SUZ12: variants seen among roughly 807,000 people sequenced by gnomAD.
SUZ12 encodes polycomb protein SUZ12.
A neutral mutation model predicts 87.3 loss-of-function variants in SUZ12; 17 were observed. That is an observed-to-expected ratio of 0.19 (90% CI 0.13 to 0.29). The LOEUF is 0.29. Among genes scored for constraint, SUZ12 ranks in the 10% least tolerant of loss-of-function variants. The pLI is 1.00. For missense variants in SUZ12, 526 were observed against 912.2 expected (o/e 0.58, Z 5.45); for synonymous variants, 253 against 312.4 (o/e 0.81, Z 2.01).
Position 31,995,573 on chromosome 17 carries a change from A to T in SUZ12, c.1605A>T (p.Arg535=). Residue 535 remains arginine, a synonymous_variant, in exon 14 of 16, where the codon CGA becomes CGT. Transcript: ENST00000322652. ...TATTTCTTTTCATTAGGCCAAAACG[A>T]ACAAAAGCAAGCATGTCTGAATTTC... ...ITHILVCRPK[R]TKASMSEFLE... 6.2e-7 allele frequency: 1 copy of T among 1,614,084 alleles called. No homozygotes were observed. The highest frequency in any genetic ancestry group is 8.5e-7 in the Non-Finnish European group (1 of 1,179,996).
chr17:31,990,346 G>A (rs759495574), intron 10 of SUZ12, among the ~76,000 whole-genome samples: 10 of 151,020 alleles, frequency 6.6e-5, no homozygotes, highest in South Asian at 4.2e-4. Context: ...TCCTGACGTC[G>A]TGCTCTGCTC....
intron 8 of SUZ12, among the ~76,000 whole-genome samples, chr17:31,978,191 A>C (rs1567829757): frequency 6.6e-6 from 1 of 151,814 alleles, no homozygotes; most frequent in African/African-American, 2.4e-5. Context: ...CATTCCTCCT[A>C]TTGTTTATTT....
chr17:31,991,095 TGA>T (rs892104194), intron 10 of SUZ12, among the ~76,000 whole-genome samples: 14 of 152,328 alleles, frequency 9.2e-5, no homozygotes, highest in African/African-American at 3.1e-4. Context: ...GTCCTTGACC[TGA>T]GAGAGCACTC....
At chr17:31,974,355 G>A (rs1355979203) in intron 6 of SUZ12, among the ~76,000 whole-genome samples, 1 of 152,152 alleles carries the variant, frequency 6.6e-6, no homozygotes, top group African/African-American at 2.4e-5. Context: ...GTGAAATCTC[G>A]TCTCTGCTAA....
In SUZ12 at chr17:31,999,145, G is replaced by A; in HGVS notation, c.*142G>A. 1.5e-6 allele frequency: 1 copy of A among 650,950 alleles called. No individual in the cohort carries two copies. Among genetic ancestry groups the A allele is most frequent in the African/African-American group, 1.8e-5 (1 of 54,190 alleles). The allele number at this position is 650,950 out of a possible 1,614,324, so 40.3% of individuals were successfully genotyped here. A position where few individuals can be genotyped will look rare whatever the true frequency, so the allele number is the denominator to read the frequency against. ...GTAAATGATTTCAACAAGGATATTTGTATCAGGGTTCTACTTCACTTCATT... is the reference window on the plus strand; with the variant it reads ...GTAAATGATTTCAACAAGGATATTTATATCAGGGTTCTACTTCACTTCATT... On this transcript the variant is annotated 3_prime_UTR_variant, in exon 16 of 16. Transcript: ENST00000322652.
intron 4 of SUZ12, among the ~76,000 whole-genome samples, chr17:31,960,829 C>T (rs1907666219): frequency 6.6e-6 from 1 of 152,146 alleles, no homozygotes; most frequent in Non-Finnish European, 1.5e-5. Context: ...TTCCCCCTGC[C>T]TCCTTCCCAA....
At chr17:31,952,695 T>TG (rs1398902199) in intron 4 of SUZ12, among the ~76,000 whole-genome samples, 2 of 152,122 alleles carry the variant, frequency 1.3e-5, no homozygotes, top group Non-Finnish European at 2.9e-5. Flanking sequence ...CCTGAGTAGC[T>TG]GGGATTACAG....
chr17:31,961,475 G>A (rs868466684), intron 4 of SUZ12, among the ~76,000 whole-genome samples: 1 of 152,162 alleles, frequency 6.6e-6, no homozygotes, highest in African/African-American at 2.4e-5. Context: ...GAACCCAGGT[G>A]GGAGGTTGTG....
intron 3 of SUZ12, among the ~76,000 whole-genome samples, chr17:31,941,233 T>C (rs1906260866): frequency 6.7e-6 from 1 of 150,266 alleles, no homozygotes; most frequent in South Asian, 2.1e-4. Context: ...TCCTTATTTT[T>C]TTTTTTATTG....
rs147924683 is a variant in SUZ12, at chr17:31,988,846, G to A, written c.1201+349G>A. ...CAGCATTTGGGAGACCGAGGCGGGC[G>A]GATCACAAGGTCAGGAGATGGAGAT... On this transcript the variant is annotated intron_variant, in intron 10 of 15. Coordinates refer to ENST00000322652, the MANE Select transcript of SUZ12 (RefSeq NM_015355.4). 4.2e-3 allele frequency among the ~76,000 whole-genome samples: 637 copies of A among 151,750 alleles called. 4 individuals are homozygous for A. The highest frequency in any genetic ancestry group is 0.013 in the African/African-American group (532 of 41,436).
chr17:31,988,482 C>G lies in SUZ12; in HGVS notation c.1186C>G (p.Pro396Ala), dbSNP rs1458680897. 2 of 1,599,948 alleles carry G rather than the reference C, an allele frequency of 1.3e-6. No individual in the cohort carries two copies. Among genetic ancestry groups the G allele is most frequent in the South Asian group, 2.3e-5 (2 of 88,028 alleles). ...HQENKPGSVK[P>A]TQTIAVKESL... ...GGAAAACAAGCCTGGTTCAGTTAAA[C>G]CTACTCAAACTATTGGTAAGAAAAC... The change falls in exon 10 of 16, where the codon CCT becomes GCT. Residue 396 changes from proline to alanine, a missense_variant. By Grantham distance (27) the Pro-to-Ala change is conservative. Around this residue, in one of 9 missense-constraint regions of SUZ12, gnomAD observed 85 missense variants for 87.4 expected, o/e 0.97. Coordinates refer to ENST00000322652, the MANE Select transcript of SUZ12 (RefSeq NM_015355.4).
chr17:31,951,725 C>T, intron 4 of SUZ12, among the ~76,000 whole-genome samples: 1 of 150,642 alleles, frequency 6.6e-6, no homozygotes, highest in Non-Finnish European at 1.5e-5. Flanking sequence ...ATCCACCCGC[C>T]TTGGCCTCCC....
chr17:31,990,753 T>G (rs1475925865), intron 10 of SUZ12, among the ~76,000 whole-genome samples: 1 of 152,110 alleles, frequency 6.6e-6, no homozygotes, highest in African/African-American at 2.4e-5. Context: ...ATTTTTATTT[T>G]ACTTTTTTTT....
chr17:31,951,556 C>T (rs1210654846), intron 4 of SUZ12, among the ~76,000 whole-genome samples: 1 of 150,912 alleles, frequency 6.6e-6, no homozygotes, highest in Non-Finnish European at 1.5e-5. Context: ...CATCTCAGCT[C>T]ACTGCAAGTT....
chr17:31,948,051 A>G (rs1474417439), intron 4 of SUZ12, among the ~76,000 whole-genome samples: 1 of 152,140 alleles, frequency 6.6e-6, no homozygotes, highest in African/African-American at 2.4e-5. Flanking sequence ...GGACTTCACA[A>G]TATCACGTAT....
At chr17:31,998,340 A>C (rs1188218774) in intron 15 of SUZ12, among the ~76,000 whole-genome samples, 1 of 152,104 alleles carries the variant, frequency 6.6e-6, no homozygotes, top group Non-Finnish European at 1.5e-5. Context: ...CGGCCTCCCA[A>C]AGTGCTAGAA....
chr17:31,947,162 A>G (rs532246455), intron 3 of SUZ12, among the ~76,000 whole-genome samples: 120 of 152,314 alleles, frequency 7.9e-4, no homozygotes, highest in Non-Finnish European at 1.5e-3. Context: ...GCTTAATTCA[A>G]CAGATACTTG....
chr17:31,992,997 G>A (rs966095670), intron 10 of SUZ12, among the ~76,000 whole-genome samples: 7 of 152,172 alleles, frequency 4.6e-5, no homozygotes, highest in East Asian at 3.8e-4. Flanking sequence ...GAGCCACCGC[G>A]CCCGGCCAGA....
chr17:31,959,397 A>G lies in SUZ12; in HGVS notation c.456-6750A>G, dbSNP rs192825397. On this transcript the variant is annotated intron_variant, in intron 4 of 15. Coordinates refer to ENST00000322652, the MANE Select transcript of SUZ12 (RefSeq NM_015355.4). ...GCAGAGTGATCCATTTGTAATTAATAGACACACACACATCATCCACCATTG... is the reference window on the plus strand; with the variant it reads ...GCAGAGTGATCCATTTGTAATTAATGGACACACACACATCATCCACCATTG... Among the ~76,000 whole-genome samples, 333 of 152,312 alleles carry G rather than the reference A, an allele frequency of 2.2e-3. 1 individual carries two copies. The highest frequency in any genetic ancestry group is 7.3e-3 in the African/African-American group (303 of 41,582).
Sources: gnomAD v4.1 joint callset for allele counts (sites outside exome capture counted in the v4.1 genomes callset) on GRCh38, gnomAD v4.1.1 for gene constraint, gnomAD v4.1.1 regional missense constraint, MANE v1.5 for transcripts, NCBI Gene and HGNC (gene_info 2026-07-23, HGNC 2026-07-21) for gene names.